Variants in TBC1D32 observed in about 807,000 individuals in gnomAD.
TBC1D32 encodes the protein TBC1 domain family member 32.
Under a neutral mutation model 170.3 loss-of-function variants are expected in TBC1D32, and 151 were observed. That is an observed-to-expected ratio of 0.89 (90% CI 0.78 to 1.01). The LOEUF (loss-of-function observed/expected upper bound fraction) is 1.01. TBC1D32 is among the 50% of genes least tolerant of loss of function. The pLI, the probability that TBC1D32 is intolerant of heterozygous loss-of-function variation, is 0.00. For missense variants in TBC1D32, 1,464 were observed against 1,457.1 expected (o/e 1.00, Z -0.08); for synonymous variants, 498 against 488.0 (o/e 1.02, Z -0.27).
intron 20 of TBC1D32, among the ~76,000 whole-genome samples, chr6:121,224,131 TTCAG>T (rs140404126): frequency 0.018 from 2,666 of 152,274 alleles, 26 homozygotes; most frequent in South Asian, 0.042. Context: ...AAGTCGTCAC[TTCAG>T]TCAATCAAAT....
chr6:121,168,591 T>C (rs1035191357), intron 22 of TBC1D32, among the ~76,000 whole-genome samples: 14 of 114,602 alleles, frequency 1.2e-4, no homozygotes, highest in South Asian at 4.0e-4. Flanking sequence ...AGGGATAGCA[T>C]TGGGAGATAT....
intron 15 of TBC1D32, among the ~76,000 whole-genome samples, chr6:121,256,739 C>T (rs560306548): frequency 2.7e-5 from 4 of 150,934 alleles, no homozygotes; most frequent in South Asian, 2.1e-4. Context: ...TGCAATGGCG[C>T]GGTCTTGGCT....
intron 21 of TBC1D32, among the ~76,000 whole-genome samples, chr6:121,206,985 T>C (rs1792359166): frequency 6.6e-6 from 1 of 152,176 alleles, no homozygotes; most frequent in African/African-American, 2.4e-5. Context: ...TGCTCCAGCA[T>C]CTGAATACTA....
intron 10 of TBC1D32, among the ~76,000 whole-genome samples, chr6:121,298,364 T>C (rs1458305144): frequency 2.0e-5 from 3 of 152,006 alleles, no homozygotes; most frequent in Non-Finnish European, 2.9e-5. Flanking sequence ...GAAACCAATT[T>C]TAAGAATTAA....
intron 15 of TBC1D32, among the ~76,000 whole-genome samples, chr6:121,263,150 T>G (rs2128409350): frequency 6.6e-6 from 1 of 150,722 alleles, no homozygotes; most frequent in South Asian, 2.1e-4. Context: ...GGATAAAGAG[T>G]CAAGACGAAT....
intron 11 of TBC1D32, among the ~76,000 whole-genome samples, chr6:121,293,937 T>C (rs376294416): frequency 6.6e-6 from 1 of 151,986 alleles, no homozygotes. Context: ...AAATACAGTT[T>C]CTTCTTTCAT....
In TBC1D32 at chr6:121,100,825, T is replaced by C. The variant is rs527826014; in HGVS notation, c.3465+5198A>G. ...TGTTTTTTTGAAAAGATCAACAAGA[T>C]TGATAGACTGCTAGCCAGACTAATA... On this transcript the variant is annotated intron_variant, in intron 30 of 31. Coordinates refer to ENST00000398212, the MANE Select transcript of TBC1D32 (RefSeq NM_152730.6). Among the ~76,000 whole-genome samples the C allele has an allele frequency of 2.0e-5, 3 of 151,776 alleles. 1 individual carries two copies. Among genetic ancestry groups the C allele is most frequent in the African/African-American group, 7.3e-5 (3 of 41,360 alleles).
At chr6:121,334,188 A>T (rs1811572372) in intron 1 of TBC1D32, 88 bp downstream of exon 1, 2 of 1,118,944 alleles carry the variant, frequency 1.8e-6, no homozygotes, top group South Asian at 3.5e-5. Flanking sequence ...TATTTTAAAA[A>T]CAATAAATAA....
chr6:121,137,795 T>C (rs1346305129), intron 24 of TBC1D32, among the ~76,000 whole-genome samples: 1 of 151,854 alleles, frequency 6.6e-6, no homozygotes, highest in Non-Finnish European at 1.5e-5. Context: ...AGGGAAACAG[T>C]AAGGTCGACA....
rs1022502033 is a variant in TBC1D32 at position 121,115,202 on chromosome 6, A to C, written c.3023T>G (p.Val1008Gly). ...ANVKNESLSS[V>G]QQLGIKMTVR... ...AGTCATTTTAATGCCAAGCTGCTGC[A>C]CAGATGAAAGACTTTCATTCTTCAC... is the stretch of plus-strand genomic sequence containing the variant. Residue 1008 changes from valine (V) to glycine (G), a missense_variant, in exon 27 of 32, where the codon GTG becomes GGG. This residue lies in a region of TBC1D32 where 1,363 missense variants were observed against 1,338.1 expected (regional missense o/e 1.02). Coordinates refer to ENST00000398212, the MANE Select transcript of TBC1D32 (RefSeq NM_152730.6). 3 of 1,603,312 alleles carry C rather than the reference A, an allele frequency of 1.9e-6. No homozygotes were observed. Among genetic ancestry groups the C allele is most frequent in the Non-Finnish European group, 2.6e-6 (3 of 1,173,568 alleles).
intron 20 of TBC1D32, among the ~76,000 whole-genome samples, chr6:121,230,525 T>C (rs1053817293): frequency 2.0e-5 from 3 of 152,126 alleles, no homozygotes; most frequent in Non-Finnish European, 4.4e-5. Context: ...TTAGGTGATG[T>C]TAAGCCACCT....
chr6:121,214,528 C>T (rs1483794324), intron 21 of TBC1D32, among the ~76,000 whole-genome samples: 1 of 152,160 alleles, frequency 6.6e-6, no homozygotes, highest in Admixed American at 6.5e-5. Context: ...GGTGCCAGCT[C>T]CCTGTGAGGC....
intron 17 of TBC1D32, among the ~76,000 whole-genome samples, chr6:121,253,754 T>C (rs1798606475): frequency 6.6e-6 from 1 of 152,048 alleles, no homozygotes. Context: ...GATGTTGGTA[T>C]GCATGTGGTG....
chr6:121,239,296 C>CTTTTTA, intron 19 of TBC1D32, 108 bp from the exon 20 acceptor site: 1 of 533,884 alleles, frequency 1.9e-6, no homozygotes, highest in Admixed American at 2.7e-5. Context: ...TGACAGAAGA[C>CTTTTTA]ACATACTTGC....
chr6:121,331,870 T>G (rs1811266440), intron 1 of TBC1D32, among the ~76,000 whole-genome samples: 1 of 152,190 alleles, frequency 6.6e-6, no homozygotes. Context: ...CTCAGACTAC[T>G]GCAGCTAAGA....
intron 12 of TBC1D32, among the ~76,000 whole-genome samples, chr6:121,289,715 A>T (rs1452740350): frequency 1.3e-5 from 2 of 152,200 alleles, no homozygotes; most frequent in African/African-American, 4.8e-5. Context: ...AAAAGAACAA[A>T]GCTGGAGGCA....
chr6:121,246,007 A>G (rs1193583367), intron 17 of TBC1D32, among the ~76,000 whole-genome samples: 3 of 152,222 alleles, frequency 2.0e-5, no homozygotes, highest in East Asian at 3.9e-4. Context: ...TCTGACCACT[A>G]TTGGGTATTA....
chr6:121,171,187 A>T (rs1003587871), intron 22 of TBC1D32, among the ~76,000 whole-genome samples: 31 of 152,020 alleles, frequency 2.0e-4, no homozygotes, highest in African/African-American at 7.5e-4. Context: ...AAACATATTT[A>T]AAAACACTGT....
chr6:121,254,716 A>C lies in TBC1D32; in HGVS notation c.2018+612T>G, dbSNP rs188181611. Among the ~76,000 whole-genome samples the C allele has an allele frequency of 5.3e-5, 8 of 152,248 alleles. No homozygotes were observed. The East Asian group carries it at 1.5e-3, about 29-fold the overall frequency. ...AGAATAGCCCTTCAAGTTCTCCCTAATTATTATCATTTTAGACTATGCCAA... is the reference window on the plus strand; with the variant it reads ...AGAATAGCCCTTCAAGTTCTCCCTACTTATTATCATTTTAGACTATGCCAA... On this transcript the variant is annotated intron_variant, in intron 17 of 31. Transcript: ENST00000398212.
Sources: gnomAD v4.1 joint callset for allele counts (sites outside exome capture counted in the v4.1 genomes callset) on GRCh38, gnomAD v4.1.1 for gene constraint, gnomAD v4.1.1 regional missense constraint, MANE v1.5 for transcripts, NCBI Gene and HGNC (gene_info 2026-07-23, HGNC 2026-07-21) for gene names.